PTPRD: variants seen among roughly 807,000 people sequenced by gnomAD.
PTPRD encodes the protein receptor-type tyrosine-protein phosphatase delta.
PTPRD carries 34 observed loss-of-function variants against 214.5 expected under a neutral mutation model. That is an observed-to-expected ratio of 0.16 (90% confidence interval 0.12 to 0.21). The LOEUF (loss-of-function observed/expected upper bound fraction) is 0.21. Ranked by LOEUF, PTPRD falls within the 10% of genes least tolerant of loss-of-function variation. The pLI is 1.00. For synonymous variants in PTPRD, 1,128 were observed against 845.7 expected (o/e 1.33, Z -5.79); for missense variants, 2,545 against 2,398.7 (o/e 1.06, Z -1.27).
chr9:9,954,785 T>A (rs967354722), intron 4 of PTPRD, among the ~76,000 whole-genome samples: 1 of 152,110 alleles, frequency 6.6e-6, no homozygotes, highest in African/African-American at 2.4e-5. Context: ...AATACAGTAA[T>A]AGATACAAGT....
At chr9:8,940,332 G>A (rs2099024954) in intron 11 of PTPRD, among the ~76,000 whole-genome samples, 1 of 120,388 alleles carries the variant, frequency 8.3e-6, no homozygotes, top group African/African-American at 3.1e-5. Context: ...ACCCAGGCTG[G>A]AGTGCAGTGG....
chr9:10,172,601 C>G (rs1387074684), intron 3 of PTPRD, among the ~76,000 whole-genome samples: 34 of 152,128 alleles, frequency 2.2e-4, no homozygotes, highest in Admixed American at 2.2e-3. Context: ...GGCTGGTTAA[C>G]CTATTCATAG....
intron 7 of PTPRD, among the ~76,000 whole-genome samples, chr9:9,617,751 G>C (rs1024137381): frequency 9.2e-5 from 14 of 152,032 alleles, no homozygotes; most frequent in African/African-American, 3.4e-4. Flanking sequence ...AGGATGTTTA[G>C]ATGTTTTTAT....
intron 9 of PTPRD, among the ~76,000 whole-genome samples, chr9:9,276,949 C>G (rs992153408): frequency 6.6e-6 from 1 of 151,224 alleles, no homozygotes. Flanking sequence ...TTCACAAATG[C>G]CAGGACAGCA....
intron 9 of PTPRD, among the ~76,000 whole-genome samples, chr9:9,216,157 T>A (rs977998640): frequency 1.3e-5 from 2 of 152,288 alleles, no homozygotes; most frequent in Admixed American, 6.5e-5. Flanking sequence ...GGGATTATAA[T>A]AGGGACTACC....
chr9:8,527,357 G>C lies in PTPRD; in HGVS notation c.542-4C>G, dbSNP rs775185605. 3 of 1,606,772 alleles carry C rather than the reference G, an allele frequency of 1.9e-6. No individual in the cohort carries two copies. Among genetic ancestry groups the C allele is most frequent in the South Asian group, 2.2e-5 (2 of 89,794 alleles). On this transcript the variant is annotated splice_polypyrimidine_tract_variant and splice_region_variant and intron_variant, in intron 15 of 45. Coordinates refer to ENST00000381196, the MANE Select transcript of PTPRD (RefSeq NM_002839.4). ...ACTAAGCACTTACCAATAGATTCTGGAGATTTAAATACGGAGAGAAGAAAG... is the reference window on the plus strand; with the variant it reads ...ACTAAGCACTTACCAATAGATTCTGCAGATTTAAATACGGAGAGAAGAAAG...
intron 11 of PTPRD, among the ~76,000 whole-genome samples, chr9:8,798,540 TTTAATA>T (rs2096496337): frequency 6.6e-6 from 1 of 152,220 alleles, no homozygotes; most frequent in Non-Finnish European, 1.5e-5. Context: ...CTGAACCATC[TTTAATA>T]AAGAATAGCT....
intron 2 of PTPRD, among the ~76,000 whole-genome samples, chr9:10,577,075 C>T (rs534204567): frequency 6.6e-6 from 1 of 150,452 alleles, no homozygotes; most frequent in South Asian, 2.2e-4. Flanking sequence ...AAAGCCAATC[C>T]TTTTCCTATT....
intron 3 of PTPRD, among the ~76,000 whole-genome samples, chr9:10,232,118 A>C (rs1017346035): frequency 1.6e-4 from 24 of 150,512 alleles, no homozygotes; most frequent in Non-Finnish European, 2.8e-4. Context: ...CTTCTATCAT[A>C]TTTTGCCCTA....
chr9:8,644,171 C>G (rs1053101061), intron 12 of PTPRD, among the ~76,000 whole-genome samples: 2 of 152,096 alleles, frequency 1.3e-5, no homozygotes, highest in Non-Finnish European at 2.9e-5. Flanking sequence ...AGGAGCTACC[C>G]TCTCTGATGA....
At chr9:9,652,483 T>C (rs1220499032) in intron 7 of PTPRD, among the ~76,000 whole-genome samples, 1 of 152,178 alleles carries the variant, frequency 6.6e-6, no homozygotes, top group Non-Finnish European at 1.5e-5. Flanking sequence ...TGCAGTTGAC[T>C]ACTATAATTT....
intron 39 of PTPRD, among the ~76,000 whole-genome samples, chr9:8,343,187 C>T (rs935232103): frequency 6.6e-6 from 1 of 151,968 alleles, no homozygotes; most frequent in African/African-American, 2.4e-5. Flanking sequence ...TATTTAACTG[C>T]TGAACAGTGT....
intron 8 of PTPRD, among the ~76,000 whole-genome samples, chr9:9,521,734 C>G (rs2096977658): frequency 6.6e-6 from 1 of 152,044 alleles, no homozygotes. Context: ...AAAAGGTTAA[C>G]AAAGTAAATA....
At chr9:9,595,751 C>A (rs539762082) in intron 7 of PTPRD, among the ~76,000 whole-genome samples, 4 of 151,600 alleles carry the variant, frequency 2.6e-5, no homozygotes, top group African/African-American at 9.7e-5. Context: ...TATGATGATG[C>A]AAAGACATAA....
intron 10 of PTPRD, among the ~76,000 whole-genome samples, chr9:9,028,962 C>T (rs1448123744): frequency 1.3e-5 from 2 of 151,808 alleles, no homozygotes; most frequent in South Asian, 2.1e-4. Flanking sequence ...TGTAGAGCTG[C>T]GTTGTCCAAT....
At chr9:9,404,904 A>G (rs549860746) in intron 8 of PTPRD, among the ~76,000 whole-genome samples, 1 of 152,194 alleles carries the variant, frequency 6.6e-6, no homozygotes, top group South Asian at 2.1e-4. Flanking sequence ...GTCTTTTCCA[A>G]GTCCCTACTT....
chr9:9,957,772 C>T (rs1011035605), intron 4 of PTPRD, among the ~76,000 whole-genome samples: 1 of 152,042 alleles, frequency 6.6e-6, no homozygotes, highest in African/African-American at 2.4e-5. Flanking sequence ...CTGTCACAAC[C>T]TGACTTCAAG....
intron 10 of PTPRD, among the ~76,000 whole-genome samples, chr9:9,099,275 C>T (rs1330604061): frequency 2.0e-5 from 3 of 152,092 alleles, no homozygotes; most frequent in Admixed American, 1.3e-4. Context: ...GGTGCTGGTT[C>T]ATAATTATTC....
intron 11 of PTPRD, among the ~76,000 whole-genome samples, chr9:8,987,829 T>C (rs2099351619): frequency 6.6e-6 from 1 of 152,060 alleles, no homozygotes; most frequent in South Asian, 2.1e-4. Flanking sequence ...GTTGGAAATG[T>C]CTAATATAAA....
Sources: allele counts gnomAD v4.1 joint callset (sites outside exome capture counted in the v4.1 genomes callset), GRCh38; gene constraint gnomAD v4.1.1; transcripts MANE v1.5; gene names NCBI Gene and HGNC (gene_info 2026-07-23, HGNC 2026-07-21).